FRYL: variants seen among roughly 807,000 people sequenced by gnomAD.
The protein encoded by FRYL is FRY like transcription coactivator, also known as protein furry homolog-like.
A neutral mutation model predicts 351.2 loss-of-function variants in FRYL; 150 were observed. The ratio of observed to expected loss-of-function variants is 0.43; its 90% CI spans 0.37 to 0.49. The LOEUF (loss-of-function observed/expected upper bound fraction) is 0.49. Ranked by LOEUF, FRYL falls within the 20% of genes least tolerant of loss-of-function variation. The pLI, the probability that FRYL is intolerant of heterozygous loss-of-function variation, is 0.00. For missense variants in FRYL, 3,036 were observed against 3,619.3 expected (o/e 0.84, Z 4.13); for synonymous variants, 1,153 against 1,257.1 (o/e 0.92, Z 1.75).
chr4:48,670,358 G>T (rs1418694281), intron 3 of FRYL, among the ~76,000 whole-genome samples: 1 of 151,778 alleles, frequency 6.6e-6, no homozygotes, highest in Non-Finnish European at 1.5e-5. Flanking sequence ...GCTTGAACCC[G>T]AGAGGAGGAG....
intron 3 of FRYL, among the ~76,000 whole-genome samples, chr4:48,681,322 GA>G (rs1764580073): frequency 6.6e-6 from 1 of 152,146 alleles, no homozygotes; most frequent in South Asian, 2.1e-4. Flanking sequence ...TGTTTGTGCT[GA>G]TAACAAACCA....
chr4:48,609,658 C>A, intron 8 of FRYL, 86 bp downstream of exon 8: 3 of 598,134 alleles, frequency 5.0e-6, no homozygotes, highest in Non-Finnish European at 2.9e-6. Flanking sequence ...GCCTTGAACT[C>A]TCAAACAAAT....
intron 4 of FRYL, among the ~76,000 whole-genome samples, chr4:48,628,134 T>A (rs1370530678): frequency 1.3e-5 from 2 of 152,174 alleles, no homozygotes; most frequent in African/African-American, 2.4e-5. Flanking sequence ...ATGTAACTCA[T>A]CACAAACAAC....
Position 48,557,135 on chromosome 4 carries a change from C to A in FRYL, c.4126-17G>T. 1 of 1,567,092 alleles carries A rather than the reference C, an allele frequency of 6.4e-7. No homozygotes were observed. Among genetic ancestry groups the A allele is most frequent in the Non-Finnish European group, 8.7e-7 (1 of 1,149,420 alleles). On this transcript the variant is annotated splice_polypyrimidine_tract_variant and intron_variant, in intron 34 of 63. Coordinates refer to ENST00000358350, the MANE Select transcript of FRYL (RefSeq NM_015030.2). ...ATCGCCATACTAGATGCAATATGCA[C>A]AAAAGATACTTCAGTCATGACTGCC...
chr4:48,592,740 G>A (rs1743702733), intron 16 of FRYL, among the ~76,000 whole-genome samples: 1 of 152,058 alleles, frequency 6.6e-6, no homozygotes, highest in South Asian at 2.1e-4. Context: ...CCCCCAACAA[G>A]TTAAGTATGT....
chr4:48,607,641 C>G (rs1747141591), intron 9 of FRYL, among the ~76,000 whole-genome samples: 1 of 152,156 alleles, frequency 6.6e-6, no homozygotes, highest in Non-Finnish European at 1.5e-5. Flanking sequence ...TCCCACTCAA[C>G]CCCACCACCT....
At chr4:48,508,343 G>C (rs1044851409) in intron 59 of FRYL, among the ~76,000 whole-genome samples, 4 of 152,070 alleles carry the variant, frequency 2.6e-5, no homozygotes, top group African/African-American at 4.8e-5. Context: ...GACCATTTTG[G>C]GGGAAAATGA....
chr4:48,653,696 G>A, intron 3 of FRYL: 1 of 1,269,596 alleles, frequency 7.9e-7, no homozygotes, highest in African/African-American at 1.6e-5. Flanking sequence ...TTTTTTTCAT[G>A]TAGGAATATA....
rs187186783 is a variant in FRYL, at chr4:48,564,130, G to A, written c.3442-28C>T. On this transcript the variant is annotated intron_variant, in intron 30 of 63. Coordinates refer to ENST00000358350, the MANE Select transcript of FRYL (RefSeq NM_015030.2). The stretch of plus-strand genomic sequence containing the variant: ...AGGTAAAGGTTGTGAAATTGCCCGA[G>A]AGAGAACGTTATATATTTTTTGTCT... 28 of 1,611,212 alleles carry A rather than the reference G, an allele frequency of 1.7e-5. No homozygotes were observed. In the African/African-American group the frequency reaches 3.6e-4, roughly 21 times the overall value.
intron 15 of FRYL, 51 bp downstream of exon 15, chr4:48,595,539 A>G (rs1744420865): frequency 3.8e-6 from 4 of 1,047,804 alleles, no homozygotes; most frequent in African/African-American, 3.3e-5. Context: ...TGATTACAAT[A>G]GATTACTCTA....
chr4:48,572,869 C>T (rs1241836844), intron 26 of FRYL, among the ~76,000 whole-genome samples: 1 of 152,196 alleles, frequency 6.6e-6, no homozygotes, highest in Admixed American at 6.5e-5. Context: ...CGAACGCTTT[C>T]ATGCTACAAA....
At chr4:48,693,646 T>C (rs1407598885) in intron 2 of FRYL, among the ~76,000 whole-genome samples, 1 of 149,200 alleles carries the variant, frequency 6.7e-6, no homozygotes, top group Non-Finnish European at 1.5e-5. Flanking sequence ...AGACCAAAAA[T>C]ACTTAAGCCA....
At chr4:48,765,522 A>G (rs1163200655) in intron 1 of FRYL, among the ~76,000 whole-genome samples, 3 of 152,200 alleles carry the variant, frequency 2.0e-5, no homozygotes, top group African/African-American at 7.2e-5. Context: ...AGACTTAAAC[A>G]TAAGACCTGA....
intron 3 of FRYL, among the ~76,000 whole-genome samples, chr4:48,678,507 C>CA (rs10639089): frequency 0.17 from 11,954 of 71,552 alleles, 1,653 homozygotes; most frequent in Middle Eastern, 0.24. Context: ...AACTCCATCT[C>CA]AAAAAAAAAA....
At chr4:48,645,485 T>C (rs561900186) in intron 3 of FRYL, among the ~76,000 whole-genome samples, 117 of 152,254 alleles carry the variant, frequency 7.7e-4, no homozygotes, top group Non-Finnish European at 1.2e-3. Flanking sequence ...GGCAAACATA[T>C]AAGAATTTGT....
chr4:48,639,388 A>G (rs1178102828), intron 3 of FRYL, among the ~76,000 whole-genome samples: 3 of 152,084 alleles, frequency 2.0e-5, no homozygotes, highest in Non-Finnish European at 2.9e-5. Context: ...ACCCACACAA[A>G]TACTATCAAC....
intron 1 of FRYL, among the ~76,000 whole-genome samples, chr4:48,777,590 G>A (rs1776152430): frequency 2.0e-5 from 3 of 152,126 alleles, no homozygotes; most frequent in African/African-American, 7.2e-5. Context: ...AATGTAGAAA[G>A]CACAAAAGAG....
intron 3 of FRYL, among the ~76,000 whole-genome samples, chr4:48,651,082 A>T (rs1318787380): frequency 6.6e-6 from 1 of 152,076 alleles, no homozygotes; most frequent in Non-Finnish European, 1.5e-5. Context: ...CCTGTAGTTC[A>T]ATGTGATTCC....
chr4:48,578,889 T>C, intron 23 of FRYL, 84 bp downstream of exon 23: 1 of 1,210,512 alleles, frequency 8.3e-7, no homozygotes. Flanking sequence ...TTCCAATCTG[T>C]AATACTTTTG....
Sources: allele counts gnomAD v4.1 joint callset (sites outside exome capture counted in the v4.1 genomes callset), GRCh38; gene constraint gnomAD v4.1.1; transcripts MANE v1.5; gene names NCBI Gene and HGNC (gene_info 2026-07-23, HGNC 2026-07-21).